The following MICAL3 variants were observed in gnomAD, a reference collection of about 807,000 sequenced individuals.
MICAL3 encodes microtubule associated monooxygenase, calponin and LIM domain containing 3.
A neutral mutation model predicts 207.4 loss-of-function variants in MICAL3; 62 were observed. The observed-to-expected ratio is 0.30, with a 90% CI of 0.24 to 0.37. The LOEUF (loss-of-function observed/expected upper bound fraction) is 0.37. Ranked by LOEUF, MICAL3 falls within the 10% of genes least tolerant of loss-of-function variation. MICAL3 has a pLI of 1.00. For synonymous variants in MICAL3, 1,077 were observed against 1,069.3 expected (o/e 1.01, Z -0.14); for missense variants, 2,368 against 2,635.6 (o/e 0.90, Z 2.22).
intron 21 of MICAL3, among the ~76,000 whole-genome samples, chr22:17,830,356 G>C (rs1166610344): frequency 1.3e-5 from 2 of 152,214 alleles, no homozygotes; most frequent in African/African-American, 4.8e-5. Flanking sequence ...GTATGTGTTT[G>C]TGTAGTTAAA....
intron 19 of MICAL3, among the ~76,000 whole-genome samples, chr22:17,845,737 A>G (rs2587113): frequency 0.41 from 62,796 of 152,128 alleles, 15,868 homozygotes; most frequent in African/African-American, 0.73. Context: ...GACTTACAAC[A>G]AGAAGAAAAA....
intron 7 of MICAL3, among the ~76,000 whole-genome samples, chr22:17,897,422 C>CA (rs71754131): frequency 0.28 from 11,367 of 41,144 alleles, 1,154 homozygotes; most frequent in Middle Eastern, 0.33. Context: ...GACTCCAACT[C>CA]AAAAAAAAAA....
At chr22:17,950,151 A>G (rs1934260957) in intron 1 of MICAL3, among the ~76,000 whole-genome samples, 1 of 148,282 alleles carries the variant, frequency 6.7e-6, no homozygotes, top group African/African-American at 2.6e-5. Flanking sequence ...GGTCATTCAC[A>G]GGGTACAGCT....
chr22:17,861,762 AG>A, intron 19 of MICAL3: 1 of 985,376 alleles, frequency 1.0e-6, no homozygotes, highest in Non-Finnish European at 1.2e-6. Flanking sequence ...AACAAAAAAG[AG>A]GATTTCTATA....
chr22:17,861,063 G>A (rs751615634), intron 19 of MICAL3: 169 of 985,320 alleles, frequency 1.7e-4, no homozygotes, highest in Non-Finnish European at 2.0e-4. Context: ...TAAGGTGGGA[G>A]GTAAGCTGGA....
chr22:17,988,044 G>A (rs2146454879), intron 1 of MICAL3, among the ~76,000 whole-genome samples: 1 of 152,278 alleles, frequency 6.6e-6, no homozygotes, highest in Non-Finnish European at 1.5e-5. Context: ...CGAAGCCAAG[G>A]CAGCAGAGAA....
intron 10 of MICAL3, among the ~76,000 whole-genome samples, chr22:17,894,433 A>C (rs8141766): frequency 0.21 from 31,029 of 151,260 alleles, 3,242 homozygotes; most frequent in East Asian, 0.26. Context: ...GAGAGAAAAA[A>C]TTAGTTACTC....
At chr22:17,918,164 T>C (rs1932653628) in intron 1 of MICAL3, among the ~76,000 whole-genome samples, 1 of 152,210 alleles carries the variant, frequency 6.6e-6, no homozygotes, top group South Asian at 2.1e-4. Flanking sequence ...GTAAACATTT[T>C]GGTCTCAGGA....
Position 17,822,037 on chromosome 22 carries a change from T to C in MICAL3, c.3441A>G (p.Gln1147=), listed in dbSNP as rs1359731358. 6.2e-7 allele frequency: 1 copy of C among 1,613,732 alleles called. No homozygotes were observed. Among genetic ancestry groups the C allele is most frequent in the Non-Finnish European group, 8.5e-7 (1 of 1,179,840 alleles). The change falls in exon 24 of 32, where the codon CAA becomes CAG. Residue 1147 remains glutamine (Q), a synonymous_variant. Coordinates refer to ENST00000441493, the MANE Select transcript of MICAL3 (RefSeq NM_015241.3). ...CATCAAAGACAGGCTCACCTCTCTC[T>C]TGGTGCTTCGGTGAGGCGGGCAGCT... ...EEKLPASPKH[Q]ERGPSQATSP... is the part of the protein sequence containing the mutation.
chr22:17,950,434 G>C (rs2146357402), intron 1 of MICAL3, among the ~76,000 whole-genome samples: 1 of 149,322 alleles, frequency 6.7e-6, no homozygotes, highest in South Asian at 2.1e-4. Context: ...CCGCCTCCTG[G>C]GTTCAAGCAA....
chr22:17,881,320 CACAA>C lies in MICAL3; in HGVS notation c.2241+4554_2241+4557del, dbSNP rs775145508. On this transcript the variant is annotated intron_variant, in intron 16 of 31. Coordinates refer to ENST00000441493, the MANE Select transcript of MICAL3 (RefSeq NM_015241.3). ...TTCCCGTTGCTTTTACACCAACAGA[CACAA>C]ACAGAGAGAACATCATTCAAACAGT... 1.3e-5 allele frequency: 21 copies of C among 1,587,438 alleles called. No homozygotes were observed. In the East Asian group the frequency reaches 1.8e-4, roughly 14 times the overall value.
intron 26 of MICAL3, 22 bp from the exon 27 acceptor site, chr22:17,816,806 G>A (rs1294188244): frequency 4.8e-5 from 74 of 1,528,920 alleles, no homozygotes; most frequent in African/African-American, 9.6e-5. Flanking sequence ...GGGAGGCCAC[G>A]TGAGGACAGC....
intron 1 of MICAL3, chr22:18,001,335 G>A (rs1352087086): frequency 6.6e-6 from 1 of 152,252 alleles, no homozygotes; most frequent in East Asian, 1.9e-4. Context: ...GGCGCGAGCA[G>A]GATGCGGCTC....
intron 1 of MICAL3, among the ~76,000 whole-genome samples, chr22:17,997,050 CTTTTTTT>C (rs71716810): frequency 1.5e-4 from 11 of 75,490 alleles, no homozygotes; most frequent in East Asian, 1.4e-3. Context: ...CCCATCTAGT[CTTTTTTT>C]TTTTTTTTTT....
At chr22:17,864,834 C>T (rs546131926) in intron 19 of MICAL3, 65 bp downstream of exon 19, 1 of 1,613,876 alleles carries the variant, frequency 6.2e-7, no homozygotes, top group Admixed American at 1.7e-5. Flanking sequence ...GGCTCATGCC[C>T]TTGGCCTTGT....
chr22:17,868,470 G>A (rs1033813042), intron 17 of MICAL3, among the ~76,000 whole-genome samples: 7 of 152,218 alleles, frequency 4.6e-5, no homozygotes, highest in African/African-American at 1.4e-4. Context: ...AGGAACAGGA[G>A]GCCGAGTGAC....
chr22:18,023,187 A>T (rs201892468), intron 1 of MICAL3, among the ~76,000 whole-genome samples: 1 of 19,522 alleles, frequency 5.1e-5, no homozygotes, highest in Admixed American at 6.4e-4. Context: ...CTGGGAAGTT[A>T]AAAAAAAAAA....
intron 19 of MICAL3, chr22:17,842,301 A>G (rs748779): frequency 0.44 from 200,820 of 459,360 alleles, 48,820 homozygotes; most frequent in African/African-American, 0.84. Context: ...CAGTCTCCCC[A>G]CAAGAGTGAC....
intron 17 of MICAL3, among the ~76,000 whole-genome samples, 157 bp downstream of exon 17, chr22:17,871,678 AAG>A (rs1406183658): frequency 6.6e-6 from 1 of 152,194 alleles, no homozygotes; most frequent in African/African-American, 2.4e-5. Context: ...GTCTTAGAGA[AAG>A]AGTGATGGAG....
Sources: gnomAD v4.1 joint callset for allele counts (sites outside exome capture counted in the v4.1 genomes callset) on GRCh38, gnomAD v4.1.1 for gene constraint, MANE v1.5 for transcripts, NCBI Gene and HGNC (gene_info 2026-07-23, HGNC 2026-07-21) for gene names.